Variants in NEBL observed in about 807,000 individuals in gnomAD.
NEBL encodes the protein nebulette.
NEBL carries 122 observed loss-of-function variants against 140.2 expected under a neutral mutation model. The observed-to-expected ratio is 0.87, with a 90% CI of 0.75 to 1.01. The LOEUF is 1.01. NEBL is among the 50% of genes least tolerant of loss of function. The pLI, the probability that NEBL is intolerant of heterozygous loss-of-function variation, is 0.00. For missense variants in NEBL, 1,365 were observed against 1,231.3 expected (o/e 1.11, Z -1.62); for synonymous variants, 436 against 398.9 (o/e 1.09, Z -1.11).
chr10:21,084,181 A>G (rs1199855319), intron 2 of NEBL, among the ~76,000 whole-genome samples: 1 of 152,146 alleles, frequency 6.6e-6, no homozygotes, highest in Non-Finnish European at 1.5e-5. Context: ...TGGCTTTGAG[A>G]CTTTCTCAAA....
chr10:21,196,238 G>A (rs926206823), intron 3 of NEBL, among the ~76,000 whole-genome samples: 25 of 151,440 alleles, frequency 1.7e-4, no homozygotes, highest in Non-Finnish European at 2.5e-4. Flanking sequence ...TCCTGACCTC[G>A]TGATCTGCCT....
chr10:20,837,386 C>T (rs1326189093), intron 13 of NEBL, among the ~76,000 whole-genome samples: 1 of 152,166 alleles, frequency 6.6e-6, no homozygotes, highest in South Asian at 2.1e-4. Context: ...TAAACCAAAC[C>T]TAATCCAGAA....
chr10:21,276,578 G>A (rs1842927643), intron 1 of NEBL, among the ~76,000 whole-genome samples: 1 of 152,170 alleles, frequency 6.6e-6, no homozygotes, highest in East Asian at 1.9e-4. Context: ...TATAATCCCA[G>A]CCTTTGGGAG....
rs1838127559 is a variant in NEBL at position 21,113,297 on chromosome 10, A to AAAAAAAC, written c.164+59085_164+59086insGTTTTTT. 9.1e-6 allele frequency: 3 copies of AAAAAAAC among 328,716 alleles called. No individual in the cohort carries two copies. The Admixed American group carries it at 1.2e-4, about 13-fold the overall frequency. 20.4% of individuals were successfully genotyped at this position (328,716 alleles called of 1,614,324 possible). ...TCAAAAGGATGAGAATCCTAAAAAA[A>AAAAAAAC]AAAAAAAAACCAGGAAAAAACTCCT... On this transcript the variant is annotated intron_variant, in intron 2 of 6. Transcript: ENST00000417816.
At chr10:21,288,768 A>AAAAGAAGAAAAAG (rs1843095957) in intron 1 of NEBL, among the ~76,000 whole-genome samples, 1 of 118,950 alleles carries the variant, frequency 8.4e-6, no homozygotes, top group Non-Finnish European at 1.7e-5. Flanking sequence ...GCCAAAAAAA[A>AAAAGAAGAAAAAG]AAAAAAGAAA....
intron 2 of NEBL, among the ~76,000 whole-genome samples, chr10:21,145,145 C>T (rs1185749142): frequency 1.3e-5 from 2 of 152,124 alleles, no homozygotes; most frequent in African/African-American, 4.8e-5. Context: ...ATTAGATTCA[C>T]AAGATAGGGA....
chr10:20,939,311 A>G (rs1834704140), intron 4 of NEBL, among the ~76,000 whole-genome samples: 1 of 152,246 alleles, frequency 6.6e-6, no homozygotes, highest in African/African-American at 2.4e-5. Flanking sequence ...TTTTCAACCC[A>G]GAATTTCATA....
intron 3 of NEBL, among the ~76,000 whole-genome samples, chr10:21,235,846 G>A (rs767916127): frequency 6.6e-6 from 1 of 152,032 alleles, no homozygotes; most frequent in African/African-American, 2.4e-5. Flanking sequence ...ATTGTGCATC[G>A]ATTTATGACA....
chr10:21,248,883 A>T (rs973043526), intron 2 of NEBL, among the ~76,000 whole-genome samples: 4 of 151,378 alleles, frequency 2.6e-5, no homozygotes, highest in African/African-American at 9.7e-5. Flanking sequence ...GTATGAAGTG[A>T]TGTCTCATTG....
intron 3 of NEBL, among the ~76,000 whole-genome samples, chr10:21,202,655 G>A (rs890708340): frequency 5.3e-5 from 8 of 151,426 alleles, no homozygotes; most frequent in African/African-American, 1.9e-4. Context: ...GTAGAGACGG[G>A]GTTTCACTGT....
chr10:21,213,309 A>T (rs1299174176), intron 3 of NEBL, among the ~76,000 whole-genome samples: 1 of 152,198 alleles, frequency 6.6e-6, no homozygotes, highest in Non-Finnish European at 1.5e-5. Context: ...ATCAGAATGT[A>T]GAGTGTCTGG....
intron 2 of NEBL, among the ~76,000 whole-genome samples, chr10:21,059,355 C>T (rs1835176079): frequency 6.6e-6 from 1 of 152,200 alleles, no homozygotes; most frequent in African/African-American, 2.4e-5. Context: ...TTAACATTGA[C>T]ATTAACAGAT....
intron 25 of NEBL, 64 bp from the exon 26 acceptor site, chr10:20,808,723 A>C: frequency 1.3e-6 from 2 of 1,507,554 alleles, no homozygotes; most frequent in South Asian, 1.1e-5. Context: ...ATCAACAAAA[A>C]ATTACTTAAA....
chr10:20,812,805 T>C lies in NEBL; in HGVS notation c.2482A>G (p.Ile828Val), dbSNP rs143930021. Residue 828 changes from isoleucine to valine, a missense_variant, in exon 24 of 28, where the codon ATC (isoleucine) becomes GTC (valine). Physicochemically the swap from Ile to Val is conservative, Grantham distance 29. Coordinates refer to ENST00000377122, the MANE Select transcript of NEBL (RefSeq NM_006393.3). ...DAAYKGVHPHIVEMDRRPGII... is the reference protein window; with the variant it reads ...DAAYKGVHPHVVEMDRRPGII... The stretch of plus-strand genomic sequence containing the variant: ...CCAGGTCTCCTGTCCATCTCCACGA[T>C]GTGAGGGTGGACCCCTTTATAGGCA... The C allele has an allele frequency of 2.1e-3, 3,336 of 1,613,980 alleles. 7 individuals carry two copies. Among genetic ancestry groups the C allele is most frequent in the Non-Finnish European group, 2.6e-3 (3,043 of 1,179,930 alleles).
chr10:21,021,525 G>A (rs954242911), intron 2 of NEBL, among the ~76,000 whole-genome samples: 19 of 152,088 alleles, frequency 1.2e-4, no homozygotes, highest in African/African-American at 3.6e-4. Flanking sequence ...CTGCTCCCCT[G>A]ACACGTTATT....
intron 12 of NEBL, 106 bp from the exon 13 acceptor site, chr10:20,840,955 G>C (rs1841360854): frequency 5.5e-6 from 4 of 720,784 alleles, no homozygotes; most frequent in African/African-American, 1.8e-5. Flanking sequence ...AATATTACTA[G>C]GAAGGAATGA....
intron 5 of NEBL, among the ~76,000 whole-genome samples, chr10:20,870,924 T>C (rs951340595): frequency 6.6e-6 from 1 of 152,228 alleles, no homozygotes; most frequent in Non-Finnish European, 1.5e-5. Flanking sequence ...TGAACTGGCA[T>C]AATGTCCGAT....
intron 1 of NEBL, among the ~76,000 whole-genome samples, chr10:21,286,015 T>A (rs932992148): frequency 6.6e-6 from 1 of 152,234 alleles, no homozygotes; most frequent in Non-Finnish European, 1.5e-5. Context: ...GCTTTTTACA[T>A]CACCGCTCAT....
intron 2 of NEBL, among the ~76,000 whole-genome samples, chr10:21,046,097 C>A (rs975980988): frequency 2.6e-5 from 4 of 152,080 alleles, no homozygotes; most frequent in Non-Finnish European, 4.4e-5. Flanking sequence ...ATGGATAAAA[C>A]CTGGAGGGCA....
Sources: gnomAD v4.1 joint callset for allele counts (sites outside exome capture counted in the v4.1 genomes callset) on GRCh38, gnomAD v4.1.1 for gene constraint, MANE v1.5 for transcripts, NCBI Gene and HGNC (gene_info 2026-07-23, HGNC 2026-07-21) for gene names.